The following SIL1 variants were observed in gnomAD, a reference collection of about 807,000 sequenced individuals.
SIL1 encodes nucleotide exchange factor SIL1.
A neutral mutation model predicts 49.1 loss-of-function variants in SIL1; 40 were observed. The ratio of observed to expected loss-of-function variants is 0.81; its 90% CI spans 0.63 to 1.06. The LOEUF is 1.06. Ranked by LOEUF, SIL1 falls within the 50% of genes least tolerant of loss-of-function variation. SIL1 has a pLI of 0.00. For synonymous variants in SIL1, 253 were observed against 250.8 expected (o/e 1.01, Z -0.08); for missense variants, 500 against 572.6 (o/e 0.87, Z 1.29).
chr5:139,181,208 T>C (rs1245763874), intron 1 of SIL1, among the ~76,000 whole-genome samples: 1 of 152,178 alleles, frequency 6.6e-6, no homozygotes, highest in East Asian at 1.9e-4. Context: ...ACTCTTAATG[T>C]TACATCCAAC....
At chr5:139,030,825 A>C (rs958650320) in intron 5 of SIL1, among the ~76,000 whole-genome samples, 3 of 152,144 alleles carry the variant, frequency 2.0e-5, no homozygotes, top group Non-Finnish European at 4.4e-5. Flanking sequence ...AATGTTTTAA[A>C]TTACAGTGTG....
chr5:139,000,296 T>G (rs1767958439), intron 7 of SIL1, among the ~76,000 whole-genome samples: 1 of 152,230 alleles, frequency 6.6e-6, no homozygotes, highest in Non-Finnish European at 1.5e-5. Flanking sequence ...GAACCATCCT[T>G]GTATCCCTGA....
rs144309020 is a variant in SIL1, at chr5:138,961,218, C to T, written c.768-9334G>A. On this transcript the variant is annotated intron_variant, in intron 7 of 9. Coordinates refer to ENST00000394817, the MANE Select transcript of SIL1 (RefSeq NM_022464.5). ...TTGCCCATTGTGTCTCCTTGCCCCT[C>T]TCCCAATCCCCATAATGCCATAAAG... Among the ~76,000 whole-genome samples the T allele has an allele frequency of 1.2e-4, 18 of 152,324 alleles. No homozygotes were observed. In the East Asian group the frequency reaches 2.9e-3, roughly 24 times the overall value.
intron 7 of SIL1, among the ~76,000 whole-genome samples, chr5:138,958,835 C>T (rs765718585): frequency 5.3e-5 from 8 of 151,964 alleles, no homozygotes; most frequent in Non-Finnish European, 1.2e-4. Flanking sequence ...AAACTCCTGT[C>T]TTTATTTTTC....
intron 1 of SIL1, among the ~76,000 whole-genome samples, chr5:139,173,965 TA>T (rs1751828954): frequency 2.8e-5 from 2 of 71,948 alleles, no homozygotes; most frequent in African/African-American, 1.1e-4. Context: ...TCTCAAAAAA[TA>T]AAAGAAAAAA....
chr5:139,136,723 C>A (rs1485008980), intron 1 of SIL1, among the ~76,000 whole-genome samples: 1 of 152,090 alleles, frequency 6.6e-6, no homozygotes, highest in Non-Finnish European at 1.5e-5. Flanking sequence ...CTCCAAAAGG[C>A]TCAATGGGTC....
intron 1 of SIL1, among the ~76,000 whole-genome samples, chr5:139,156,583 G>T (rs1334319830): frequency 6.6e-6 from 1 of 152,136 alleles, no homozygotes. Flanking sequence ...TGGATTATCA[G>T]CATAGGCCCT....
chr5:139,130,955 C>T (rs1183635528), intron 1 of SIL1, among the ~76,000 whole-genome samples: 2 of 152,004 alleles, frequency 1.3e-5, no homozygotes, highest in Non-Finnish European at 2.9e-5. Context: ...AAAGCAGTTA[C>T]CGGGTTAAGG....
chr5:139,086,443 C>G (rs972710038), intron 3 of SIL1, among the ~76,000 whole-genome samples: 2 of 151,774 alleles, frequency 1.3e-5, no homozygotes, highest in African/African-American at 4.8e-5. Flanking sequence ...CGGCTCACTG[C>G]AACCTCTACC....
At chr5:139,141,370 G>A (rs1751077966) in intron 1 of SIL1, among the ~76,000 whole-genome samples, 1 of 151,918 alleles carries the variant, frequency 6.6e-6, no homozygotes, top group Non-Finnish European at 1.5e-5. Flanking sequence ...TGCTGGCCAG[G>A]CACAATGGTT....
At chr5:138,969,856 C>T (rs538485342) in intron 7 of SIL1, among the ~76,000 whole-genome samples, 1 of 152,308 alleles carries the variant, frequency 6.6e-6, no homozygotes, top group African/African-American at 2.4e-5. Context: ...GCAGCTGGCA[C>T]GAGCAGCCTG....
intron 3 of SIL1, among the ~76,000 whole-genome samples, chr5:139,107,254 G>A (rs191587968): frequency 6.6e-5 from 10 of 152,340 alleles, no homozygotes; most frequent in Admixed American, 6.5e-4. Context: ...TGGGAGGCAA[G>A]ACTGACTCAG....
At chr5:139,045,797 T>C (rs1276253816) in intron 4 of SIL1, among the ~76,000 whole-genome samples, 1 of 152,194 alleles carries the variant, frequency 6.6e-6, no homozygotes, top group Non-Finnish European at 1.5e-5. Flanking sequence ...TTATCCTGAA[T>C]CTGTGCCCCT....
rs112967213 is a variant in SIL1 at position 138,991,470 on chromosome 5, T to C, written c.767+29701A>G. ...TTCCACAGCCACATGACAGCCTCTT[T>C]TACTCAGGGCTGTTCATTCCACATT... is the stretch of plus-strand genomic sequence containing the variant. On this transcript the variant is annotated intron_variant, in intron 7 of 9. Coordinates refer to ENST00000394817, the MANE Select transcript of SIL1 (RefSeq NM_022464.5). Among the ~76,000 whole-genome samples the C allele has an allele frequency of 5.5e-3, 839 of 152,330 alleles. 4 individuals carry two copies. The highest frequency in any genetic ancestry group is 0.019 in the African/African-American group (804 of 41,578).
chr5:139,000,855 T>G (rs1767967394), intron 7 of SIL1, among the ~76,000 whole-genome samples: 1 of 151,902 alleles, frequency 6.6e-6, no homozygotes, highest in African/African-American at 2.4e-5. Context: ...AGACTATATA[T>G]AATTCATGAA....
At chr5:139,134,207 T>G (rs2151798668) in intron 1 of SIL1, among the ~76,000 whole-genome samples, 1 of 152,308 alleles carries the variant, frequency 6.6e-6, no homozygotes, top group African/African-American at 2.4e-5. Flanking sequence ...AACCTCTGCT[T>G]CCCAAGCTCA....
At chr5:139,169,640 C>A (rs1751695800) in intron 1 of SIL1, among the ~76,000 whole-genome samples, 1 of 151,998 alleles carries the variant, frequency 6.6e-6, no homozygotes. Flanking sequence ...CACCACCACA[C>A]CTGGCTAATT....
rs377422361 is a variant in SIL1 at position 138,947,360 on chromosome 5, G to T, written c.1143C>A (p.Ile381=). The T allele has an allele frequency of 1.9e-6, 3 of 1,613,584 alleles. No individual in the cohort carries two copies. The African/African-American group carries it at 4.0e-5, about 22-fold the overall frequency. The change falls in exon 10 of 10, where the codon ATC becomes ATA. Residue 381 remains isoleucine, a synonymous_variant. Coordinates refer to ENST00000394817, the MANE Select transcript of SIL1 (RefSeq NM_022464.5). The surrounding 1 kb of genome is among the most constrained non-coding windows in gnomAD (Gnocchi z 4.1). ...PGLWEQGWCE[I]TAHLLALPEH... ...CGGGCAGCGCCAGGAGGTGGGCCGT[G>T]ATCTCGCACCAGCCCTGTTCCCACA...
chr5:139,024,529 A>C (rs924891101), intron 6 of SIL1, among the ~76,000 whole-genome samples: 1 of 152,256 alleles, frequency 6.6e-6, no homozygotes, highest in African/African-American at 2.4e-5. Context: ...CTTTTAGCCC[A>C]GTTTACAGAG....
Sources: gnomAD v4.1 joint callset for allele counts (sites outside exome capture counted in the v4.1 genomes callset) on GRCh38, gnomAD v4.1.1 for gene constraint, Gnocchi (gnomAD v3.1) non-coding constraint, MANE v1.5 for transcripts, NCBI Gene and HGNC (gene_info 2026-07-23, HGNC 2026-07-21) for gene names.